SYT14: variants seen among roughly 807,000 people sequenced by gnomAD.
The protein encoded by SYT14 is synaptotagmin 14, also known as synaptotagmin-14.
In SYT14, 32 loss-of-function variants were observed where a neutral mutation model predicts 74.2. The ratio of observed to expected loss-of-function variants is 0.43; its 90% CI spans 0.33 to 0.58. The LOEUF (loss-of-function observed/expected upper bound fraction) is 0.58. SYT14 is among the 20% of genes least tolerant of loss of function. SYT14 has a pLI of 0.05. For synonymous variants in SYT14, 298 were observed against 337.7 expected (o/e 0.88, Z 1.29); for missense variants, 791 against 981.8 (o/e 0.81, Z 2.60).
At chr1:209,948,289 T>A (rs2078854487) in intron 1 of SYT14, among the ~76,000 whole-genome samples, 1 of 152,226 alleles carries the variant, frequency 6.6e-6, no homozygotes, top group African/African-American at 2.4e-5. Flanking sequence ...TTTTTTAAAA[T>A]CCCAGTTTCC....
chr1:210,005,336 G>A (rs2079970242), intron 2 of SYT14, among the ~76,000 whole-genome samples: 1 of 151,900 alleles, frequency 6.6e-6, no homozygotes, highest in Admixed American at 6.6e-5. Context: ...ATTTTGATGG[G>A]TTTGAACTAA....
intron 5 of SYT14, among the ~76,000 whole-genome samples, chr1:210,041,859 A>T (rs891169001): frequency 5.3e-5 from 8 of 152,020 alleles, no homozygotes; most frequent in African/African-American, 1.9e-4. Flanking sequence ...GTCCCCCAGG[A>T]TTTAGGAAAG....
chr1:209,950,688 T>A (rs1372434172), intron 1 of SYT14, among the ~76,000 whole-genome samples: 6 of 152,160 alleles, frequency 3.9e-5, no homozygotes, highest in Admixed American at 2.0e-4. Flanking sequence ...TATTTTCTAG[T>A]TTTTTTAGCT....
At chr1:210,002,825 T>A (rs7545279) in intron 2 of SYT14, among the ~76,000 whole-genome samples, 26,145 of 152,078 alleles carry the variant, frequency 0.17, 2,640 homozygotes, top group Non-Finnish European at 0.21. Context: ...TTTTATGTAT[T>A]TAGATATGAG....
At chr1:210,105,339 C>T (rs1029669647) in intron 7 of SYT14, among the ~76,000 whole-genome samples, 2 of 152,166 alleles carry the variant, frequency 1.3e-5, no homozygotes, top group African/African-American at 4.8e-5. Flanking sequence ...CTGTTGAACT[C>T]AGGTGTGGCC....
At chr1:210,057,408 G>T (rs756933054) in intron 5 of SYT14, among the ~76,000 whole-genome samples, 1 of 152,078 alleles carries the variant, frequency 6.6e-6, no homozygotes, top group Non-Finnish European at 1.5e-5. Flanking sequence ...GCCAACTCCT[G>T]CCATGAAGTT....
intron 2 of SYT14, among the ~76,000 whole-genome samples, chr1:210,004,180 C>T (rs1233804561): frequency 6.6e-6 from 1 of 151,944 alleles, no homozygotes; most frequent in Non-Finnish European, 1.5e-5. Flanking sequence ...GTGTTTGGCT[C>T]CTAATGGTGT....
At chr1:209,992,090 T>C (rs994444306) in intron 2 of SYT14, among the ~76,000 whole-genome samples, 4 of 152,182 alleles carry the variant, frequency 2.6e-5, no homozygotes, top group African/African-American at 9.7e-5. Flanking sequence ...GGCAAAGATA[T>C]GGAATCAACC....
chr1:210,100,062 T>C (rs199646737), exon 7 of SYT14: 16 of 1,614,154 alleles, frequency 9.9e-6, no homozygotes, highest in South Asian at 2.2e-5. Context: ...CTTTTGATCC[T>C]GAGCCAGAAG....
At chr1:210,048,467 C>A (rs763221448) in intron 5 of SYT14, among the ~76,000 whole-genome samples, 5 of 152,098 alleles carry the variant, frequency 3.3e-5, no homozygotes, top group African/African-American at 7.2e-5. Context: ...AGAGCTGCTG[C>A]GGGAAAGTCC....
At chr1:210,057,944 T>A (rs190155472) in intron 5 of SYT14, among the ~76,000 whole-genome samples, 58 of 152,332 alleles carry the variant, frequency 3.8e-4, no homozygotes, top group South Asian at 1.9e-3. Context: ...TCCCTGTGTG[T>A]TCTTACATAG....
intron 2 of SYT14, among the ~76,000 whole-genome samples, chr1:209,990,025 C>A (rs1368141376): frequency 1.3e-5 from 2 of 152,058 alleles, no homozygotes; most frequent in Non-Finnish European, 2.9e-5. Flanking sequence ...GCATATAAAT[C>A]AATTTTAATA....
At chr1:209,944,096 T>C (rs2078782847) in intron 1 of SYT14, among the ~76,000 whole-genome samples, 1 of 152,212 alleles carries the variant, frequency 6.6e-6, no homozygotes, top group Non-Finnish European at 1.5e-5. Context: ...CATCATGAGA[T>C]AGAAGTTTTA....
At chr1:210,039,913 C>T (rs2080750325) in intron 5 of SYT14, among the ~76,000 whole-genome samples, 1 of 152,164 alleles carries the variant, frequency 6.6e-6, no homozygotes, top group South Asian at 2.1e-4. Flanking sequence ...GAAGTAGGAA[C>T]ACTTTTACAC....
intron 5 of SYT14, among the ~76,000 whole-genome samples, chr1:210,056,837 A>ATTATTTATTTATTTATTTATTTATTTAT (rs148786795): frequency 6.7e-6 from 1 of 148,328 alleles, no homozygotes; most frequent in East Asian, 2.0e-4. Flanking sequence ...TGTTACTATT[A>ATTATTTATTTATTTATTTATTTATTTAT]TTATTTATTT....
intron 7 of SYT14, among the ~76,000 whole-genome samples, chr1:210,101,093 ATC>A (rs1265985790): frequency 9.2e-5 from 14 of 152,220 alleles, no homozygotes; most frequent in African/African-American, 3.1e-4. Context: ...TCACATATAA[ATC>A]TCTCTCTGTC....
intron 1 of SYT14, among the ~76,000 whole-genome samples, chr1:209,943,119 A>G (rs948814443): frequency 6.6e-6 from 1 of 152,238 alleles, no homozygotes; most frequent in African/African-American, 2.4e-5. Flanking sequence ...CAATAGATTT[A>G]CTTTTGAATA....
At chr1:210,059,545 T>C (rs890945855) in intron 5 of SYT14, among the ~76,000 whole-genome samples, 2 of 150,204 alleles carry the variant, frequency 1.3e-5, no homozygotes, top group Non-Finnish European at 3.0e-5. Flanking sequence ...AAATAATTAC[T>C]GTCAGAGTTG....
intron 7 of SYT14, among the ~76,000 whole-genome samples, chr1:210,141,380 T>G (rs2082911674): frequency 6.6e-6 from 1 of 152,188 alleles, no homozygotes; most frequent in Non-Finnish European, 1.5e-5. Flanking sequence ...CATATATTGA[T>G]CACAAATCCT....
Sources: gnomAD v4.1 joint callset for allele counts (sites outside exome capture counted in the v4.1 genomes callset) on GRCh38, gnomAD v4.1.1 for gene constraint, MANE v1.5 for transcripts, NCBI Gene and HGNC (gene_info 2026-07-23, HGNC 2026-07-21) for gene names.